Variants in ZBTB7C observed in about 807,000 individuals in gnomAD.
ZBTB7C encodes the protein zinc finger and BTB domain-containing protein 7C.
A neutral mutation model predicts 25.7 loss-of-function variants in ZBTB7C; 8 were observed. The ratio of observed to expected loss-of-function variants is 0.31; its 90% CI spans 0.18 to 0.56. The LOEUF is 0.56. Ranked by LOEUF, ZBTB7C falls within the 20% of genes least tolerant of loss-of-function variation. The pLI is 0.91. For synonymous variants in ZBTB7C, 394 were observed against 369.0 expected (o/e 1.07, Z -0.78); for missense variants, 824 against 855.2 (o/e 0.96, Z 0.46).
chr18:48,209,773 C>T (rs1029967656), intron 2 of ZBTB7C, among the ~76,000 whole-genome samples: 1 of 150,698 alleles, frequency 6.6e-6, no homozygotes, highest in Non-Finnish European at 1.5e-5. Flanking sequence ...AAAAAAAATC[C>T]AAGTCATATG....
intron 2 of ZBTB7C, among the ~76,000 whole-genome samples, chr18:48,306,157 A>G (rs2045668990): frequency 6.6e-6 from 1 of 152,206 alleles, no homozygotes; most frequent in African/African-American, 2.4e-5. Context: ...TTTGACAGTC[A>G]GCACCCTCTG....
At chr18:48,191,409 G>A (rs1325169719) in intron 2 of ZBTB7C, among the ~76,000 whole-genome samples, 1 of 152,190 alleles carries the variant, frequency 6.6e-6, no homozygotes, top group East Asian at 1.9e-4. Flanking sequence ...GCATAATAAC[G>A]CTACCTACAT....
intron 2 of ZBTB7C, among the ~76,000 whole-genome samples, chr18:48,196,558 C>T (rs541775100): frequency 1.9e-4 from 29 of 152,234 alleles, no homozygotes; most frequent in Non-Finnish European, 3.8e-4. Context: ...GGTTTATGTC[C>T]AATTGTGTCA....
upstream of ZBTB7C, among the ~76,000 whole-genome samples, chr18:48,412,307 C>G (rs2048387490): frequency 6.6e-6 from 1 of 151,946 alleles, no homozygotes; most frequent in Non-Finnish European, 1.5e-5. Context: ...AAGACTGATT[C>G]AAGAAAAAAG....
chr18:48,266,335 G>C (rs1029787069), intron 2 of ZBTB7C, among the ~76,000 whole-genome samples: 6 of 152,012 alleles, frequency 3.9e-5, no homozygotes, highest in Non-Finnish European at 8.8e-5. Flanking sequence ...CTTGGTTTCT[G>C]GTCCCTATTA....
intron 3 of ZBTB7C, among the ~76,000 whole-genome samples, chr18:48,109,466 G>A (rs183615329): frequency 1.3e-4 from 20 of 152,180 alleles, no homozygotes; most frequent in Admixed American, 1.2e-3. Flanking sequence ...TTCTAGAACT[G>A]GAAAGATCCA....
intron 2 of ZBTB7C, among the ~76,000 whole-genome samples, chr18:48,233,508 G>A (rs187837020): frequency 1.6e-3 from 238 of 152,260 alleles, no homozygotes; most frequent in African/African-American, 3.1e-3. Flanking sequence ...CAGGAAGACC[G>A]GTGAGCTGGA....
At chr18:48,156,919 T>C (rs1477536345) in intron 3 of ZBTB7C, among the ~76,000 whole-genome samples, 1 of 152,118 alleles carries the variant, frequency 6.6e-6, no homozygotes, top group Non-Finnish European at 1.5e-5. Context: ...TCTCTCTGGC[T>C]GCAGTTTGAA....
intron 2 of ZBTB7C, among the ~76,000 whole-genome samples, chr18:48,217,049 C>G (rs964606872): frequency 6.6e-6 from 1 of 152,142 alleles, no homozygotes; most frequent in African/African-American, 2.4e-5. Flanking sequence ...CAAGGAGTGC[C>G]ACAGGCTGCC....
chr18:48,253,012 T>C (rs967160222), intron 2 of ZBTB7C, among the ~76,000 whole-genome samples: 5 of 152,134 alleles, frequency 3.3e-5, no homozygotes, highest in East Asian at 1.9e-4. Context: ...ATTGAAAAGA[T>C]TGTATAGACC....
At chr18:48,283,732 G>A (rs2044942874) in intron 2 of ZBTB7C, among the ~76,000 whole-genome samples, 1 of 152,180 alleles carries the variant, frequency 6.6e-6, no homozygotes, top group Non-Finnish European at 1.5e-5. Context: ...TCCTTCACCT[G>A]TAAAATAAGT....
chr18:48,066,625 G>A (rs1384454289), intron 3 of ZBTB7C, among the ~76,000 whole-genome samples: 2 of 152,310 alleles, frequency 1.3e-5, no homozygotes, highest in Non-Finnish European at 2.9e-5. Context: ...CTTAGAGGCT[G>A]AGTCAATTTA....
chr18:48,319,116 G>A (rs2046027800), intron 2 of ZBTB7C, among the ~76,000 whole-genome samples: 1 of 150,492 alleles, frequency 6.6e-6, no homozygotes, highest in South Asian at 2.1e-4. Context: ...ATGCCTCTGT[G>A]TGTGTGTGTG....
At position 48,142,305 on chromosome 18, in the gene ZBTB7C, T is replaced by C. The variant is rs563638136; in HGVS notation, c.-17+43629A>G. ...AGGAGCTGTAGCCCCAGAGGGAGGA[T>C]TGGGGGCCAGCAGAGCCTGCCTCCC... On this transcript the variant is annotated intron_variant, in intron 3 of 4. Coordinates refer to ENST00000590800, the MANE Select transcript of ZBTB7C (RefSeq NM_001318841.2). Among the ~76,000 whole-genome samples the C allele has an allele frequency of 7.9e-4, 120 of 152,278 alleles. No individual in the cohort carries two copies. The South Asian group carries it at 0.012, about 16-fold the overall frequency.
At chr18:48,091,326 T>G (rs2038408647) in intron 3 of ZBTB7C, among the ~76,000 whole-genome samples, 1 of 142,196 alleles carries the variant, frequency 7.0e-6, no homozygotes, top group South Asian at 2.3e-4. Flanking sequence ...CAAGTGATCC[T>G]CCCATCTTGG....
chr18:48,369,799 G>A (rs978393336), intron 1 of ZBTB7C, among the ~76,000 whole-genome samples: 19 of 152,060 alleles, frequency 1.2e-4, no homozygotes, highest in African/African-American at 3.6e-4. Context: ...ACAATTACAC[G>A]TTCAGAGTTC....
intron 2 of ZBTB7C, among the ~76,000 whole-genome samples, chr18:48,326,077 T>A (rs193037927): frequency 1.2e-3 from 173 of 150,088 alleles, no homozygotes; most frequent in African/African-American, 4.1e-3. Context: ...TTATAGATAA[T>A]GCATACTCTA....
chr18:48,221,921 G>C (rs1394391582), intron 2 of ZBTB7C, among the ~76,000 whole-genome samples: 2 of 138,658 alleles, frequency 1.4e-5, no homozygotes, highest in Non-Finnish European at 3.0e-5. Flanking sequence ...TACTGTCCTA[G>C]TCTCCTCTAT....
At chr18:48,367,325 TATATATATACATATATGTGTGC>T (rs2047262746) in intron 1 of ZBTB7C, among the ~76,000 whole-genome samples, 1 of 110,166 alleles carries the variant, frequency 9.1e-6, no homozygotes, top group Admixed American at 1.0e-4. Context: ...TATATGTGTG[TATATATATACATATATGTGTGC>T]ATATATATAT....
Sources: allele counts gnomAD v4.1 joint callset (sites outside exome capture counted in the v4.1 genomes callset), GRCh38; gene constraint gnomAD v4.1.1; transcripts MANE v1.5; gene names NCBI Gene and HGNC (gene_info 2026-07-23, HGNC 2026-07-21).